The following UBE2D1 variants were observed in gnomAD, a reference collection of about 807,000 sequenced individuals.
UBE2D1 encodes the protein ubiquitin conjugating enzyme E2 D1.
UBE2D1 carries 9 observed loss-of-function variants against 24.6 expected under a neutral mutation model. The ratio of observed to expected loss-of-function variants is 0.37; its 90% CI spans 0.22 to 0.64. The LOEUF (loss-of-function observed/expected upper bound fraction) is 0.64. UBE2D1 is among the 30% of genes least tolerant of loss of function. The pLI is 0.64. For synonymous variants in UBE2D1, 57 were observed against 57.6 expected, an observed-to-expected ratio of 0.99 and a Z score of 0.04; for missense variants, 87 against 177.1, an observed-to-expected ratio of 0.49 and a Z score of 2.89.
chr10:58,368,659 C>A, intron 6 of UBE2D1, 61 bp from the exon 7 acceptor site: 1 of 1,224,672 alleles, frequency 8.2e-7, no homozygotes, highest in Non-Finnish European at 1.1e-6. Flanking sequence ...TTTTATTAGA[C>A]AGATGCTTCT....
intron 1 of UBE2D1, among the ~76,000 whole-genome samples, chr10:58,341,520 G>C (rs1839961461): frequency 6.6e-6 from 1 of 151,868 alleles, no homozygotes; most frequent in Non-Finnish European, 1.5e-5. Flanking sequence ...AAAAAAATGA[G>C]GTAACCTATG....
chr10:58,352,404 G>A (rs892780576), intron 1 of UBE2D1, among the ~76,000 whole-genome samples: 9 of 152,058 alleles, frequency 5.9e-5, no homozygotes, highest in South Asian at 2.1e-4. Flanking sequence ...CACACGGTCT[G>A]TGTGGCAAGA....
chr10:58,340,650 C>T (rs1839952312), intron 1 of UBE2D1, among the ~76,000 whole-genome samples: 1 of 152,124 alleles, frequency 6.6e-6, no homozygotes, highest in African/African-American at 2.4e-5. Context: ...GATTGTGCCC[C>T]CTAGGATAGC....
At chr10:58,357,371 A>G (rs1413027506) in intron 1 of UBE2D1, among the ~76,000 whole-genome samples, 8 of 152,194 alleles carry the variant, frequency 5.3e-5, no homozygotes, top group African/African-American at 1.9e-4. Context: ...CAGTTCCAGA[A>G]AAACTTAGAG....
intron 1 of UBE2D1, among the ~76,000 whole-genome samples, chr10:58,346,922 CA>C (rs1840023506): frequency 6.6e-6 from 1 of 152,198 alleles, no homozygotes; most frequent in African/African-American, 2.4e-5. Context: ...ACAAAAATTA[CA>C]GGGTGTTTGT....
At chr10:58,346,762 A>G (rs1840022020) in intron 1 of UBE2D1, among the ~76,000 whole-genome samples, 1 of 152,216 alleles carries the variant, frequency 6.6e-6, no homozygotes, top group Non-Finnish European at 1.5e-5. Context: ...AAGAGGTTTG[A>G]CATGGCTCTT....
At chr10:58,355,816 A>G (rs146582276) in intron 1 of UBE2D1, among the ~76,000 whole-genome samples, 40 of 152,310 alleles carry the variant, frequency 2.6e-4, no homozygotes, top group African/African-American at 9.1e-4. Flanking sequence ...CAACCTTGGT[A>G]TCACGCTATT....
At chr10:58,363,029 A>T (rs1356792224) in intron 3 of UBE2D1, among the ~76,000 whole-genome samples, 5 of 152,064 alleles carry the variant, frequency 3.3e-5, no homozygotes, top group Admixed American at 3.3e-4. Flanking sequence ...ATGAATATAT[A>T]ATTTTGTTTT....
At chr10:58,339,845 A>G (rs1424981251) in intron 1 of UBE2D1, among the ~76,000 whole-genome samples, 1 of 151,722 alleles carries the variant, frequency 6.6e-6, no homozygotes, top group African/African-American at 2.4e-5. Context: ...ACATATCGCT[A>G]CTGAAAGCTA....
At chr10:58,338,260 G>C (rs1839924308) in intron 1 of UBE2D1, among the ~76,000 whole-genome samples, 6 of 152,180 alleles carry the variant, frequency 3.9e-5, no homozygotes, top group Admixed American at 3.9e-4. Flanking sequence ...TGTAAAGACA[G>C]AGCATGGAGA....
At chr10:58,356,625 T>A (rs1382871222) in intron 1 of UBE2D1, among the ~76,000 whole-genome samples, 1 of 152,174 alleles carries the variant, frequency 6.6e-6, no homozygotes, top group Non-Finnish European at 1.5e-5. Context: ...ATATCCATTT[T>A]CTACTTTTGC....
At chr10:58,360,436 A>C (rs1261580507) in intron 1 of UBE2D1, among the ~76,000 whole-genome samples, 2 of 152,048 alleles carry the variant, frequency 1.3e-5, no homozygotes, top group Non-Finnish European at 2.9e-5. Flanking sequence ...TAGAGGAAAA[A>C]AAAAAATCCA....
chr10:58,335,240 C>G lies in UBE2D1; in HGVS notation c.24+15C>G. ...GGATTCAGAAAGTGAGTGCCGGGGC[C>G]GGGCCTGGGGCTGCGGGGCAGCGGC... On this transcript the variant is annotated intron_variant, in intron 1 of 6. Coordinates refer to ENST00000373910, the MANE Select transcript of UBE2D1 (RefSeq NM_003338.5). 6.5e-7 allele frequency: 1 copy of G among 1,532,654 alleles called. No individual in the cohort carries two copies. Among genetic ancestry groups the G allele is most frequent in the Non-Finnish European group, 8.8e-7 (1 of 1,141,682 alleles). The allele number at this position is 1,532,654 out of a possible 1,614,324, so 94.9% of individuals were successfully genotyped here. A position where few individuals can be genotyped will look rare whatever the true frequency, so the allele number is the denominator to read the frequency against.
At chr10:58,355,988 T>C (rs1425072783) in intron 1 of UBE2D1, among the ~76,000 whole-genome samples, 1 of 152,114 alleles carries the variant, frequency 6.6e-6, no homozygotes, top group African/African-American at 2.4e-5. Flanking sequence ...CATTGTCTTA[T>C]AAAACATTTT....
At chr10:58,337,140 TA>T (rs11284386) in intron 1 of UBE2D1, among the ~76,000 whole-genome samples, 79,587 of 150,638 alleles carry the variant, frequency 0.53, 21,862 homozygotes, top group African/African-American at 0.71. Flanking sequence ...AATTGTTGAG[TA>T]AAAAAAAAAA....
chr10:58,356,220 G>A (rs1421198364), intron 1 of UBE2D1, among the ~76,000 whole-genome samples: 2 of 152,040 alleles, frequency 1.3e-5, no homozygotes, highest in African/African-American at 2.4e-5. Context: ...ACATAAAGAA[G>A]TAGCAACCCA....
intron 1 of UBE2D1, chr10:58,360,994 T>C: frequency 2.2e-6 from 1 of 457,878 alleles, no homozygotes; most frequent in African/African-American, 2.0e-5. Flanking sequence ...GATTGTAACC[T>C]GTTAAAATAG....
At chr10:58,359,369 A>G (rs1280227927) in intron 1 of UBE2D1, among the ~76,000 whole-genome samples, 1 of 152,218 alleles carries the variant, frequency 6.6e-6, no homozygotes, top group African/African-American at 2.4e-5. Flanking sequence ...AGTTGATGAC[A>G]TCTTAGATTT....
At chr10:58,368,100 G>C in intron 6 of UBE2D1, 84 bp downstream of exon 6, 1 of 981,886 alleles carries the variant, frequency 1.0e-6, no homozygotes, top group Non-Finnish European at 1.6e-6. Flanking sequence ...TATGTTTTAA[G>C]TCAATTTGAT....
Sources: gnomAD v4.1 joint callset for allele counts (sites outside exome capture counted in the v4.1 genomes callset) on GRCh38, gnomAD v4.1.1 for gene constraint, MANE v1.5 for transcripts, NCBI Gene and HGNC (gene_info 2026-07-23, HGNC 2026-07-21) for gene names.